WDR33: variants seen among roughly 807,000 people sequenced by gnomAD.
WDR33 encodes the protein WD repeat domain 33.
WDR33 carries 47 observed loss-of-function variants against 164.9 expected under a neutral mutation model. That is an observed-to-expected ratio of 0.29 (90% CI 0.23 to 0.36). The LOEUF (loss-of-function observed/expected upper bound fraction) is 0.36. WDR33 is among the 10% of genes least tolerant of loss of function. The probability of loss-of-function intolerance (pLI) is 1.00; values close to 1 mark genes in which losing one functional copy is unlikely to be tolerated. For missense variants in WDR33, 1,137 were observed against 1,754.1 expected (o/e 0.65, Z 6.28); for synonymous variants, 505 against 589.0 (o/e 0.86, Z 2.06).
rs1375843610 is a variant in WDR33, at chr2:127,770,130, A to G, written c.204+648T>C. Among the ~76,000 whole-genome samples, 1 of 152,142 alleles carries G rather than the reference A, an allele frequency of 6.6e-6. No homozygotes were observed. The highest frequency in any genetic ancestry group is 1.5e-5 in the Non-Finnish European group (1 of 68,038). ...GGTAGTCTTTTATGATTTCATATAC[A>G]CTGCAGGTTTAACAAGTGTTTTAAG... On this transcript the variant is annotated intron_variant, in intron 2 of 21. Coordinates refer to ENST00000322313, the MANE Select transcript of WDR33 (RefSeq NM_018383.5). This position sits in a 1 kb window ranked among gnomAD's most constrained non-coding sequence, Gnocchi z 4.9.
intron 1 of WDR33, among the ~76,000 whole-genome samples, chr2:127,785,736 C>G (rs540650263): frequency 6.6e-6 from 1 of 152,250 alleles, no homozygotes; most frequent in South Asian, 2.1e-4. Context: ...TGAAAGACAT[C>G]TGGGTTGCCT....
At chr2:127,765,794 TAAAAAA>T (rs769820035) in intron 4 of WDR33, among the ~76,000 whole-genome samples, 1 of 135,802 alleles carries the variant, frequency 7.4e-6, no homozygotes, top group East Asian at 2.0e-4. Flanking sequence ...TAAACATATT[TAAAAAA>T]AAAAAAAAAA....
rs1225595691 is a variant in WDR33 at position 127,706,224 on chromosome 2, G to A, written c.*99C>T. 6.9e-6 allele frequency: 8 copies of A among 1,166,312 alleles called. No individual in the cohort carries two copies. The highest frequency in any genetic ancestry group is 8.2e-6 in the Non-Finnish European group (7 of 854,054). 72.2% of individuals were successfully genotyped at this position (1,166,312 alleles called of 1,614,324 possible). A position where few individuals can be genotyped will look rare whatever the true frequency, so the allele number is the denominator to read the frequency against. On this transcript the variant is annotated 3_prime_UTR_variant, in exon 22 of 22. Coordinates refer to ENST00000322313, the MANE Select transcript of WDR33 (RefSeq NM_018383.5). This position sits in a 1 kb window ranked among gnomAD's most constrained non-coding sequence, Gnocchi z 5.1. ...TTCAGGTGCCCAGAAAAGAGTTCAG[G>A]GCTACAATGGTGCAGGCTTCCTTTT...
At chr2:127,807,966 G>GAAAA (rs1489860065) in intron 1 of WDR33, among the ~76,000 whole-genome samples, 2 of 151,968 alleles carry the variant, frequency 1.3e-5, no homozygotes, top group Admixed American at 6.6e-5. Flanking sequence ...CCCTGTCTCA[G>GAAAA]AAAACAAACA....
rs1296163819 is a variant in WDR33, at chr2:127,721,444, G to A, written c.1671+392C>T. On this transcript the variant is annotated intron_variant, in intron 15 of 21. Transcript: ENST00000322313. The surrounding 1 kb of genome is among the most constrained non-coding windows in gnomAD (Gnocchi z 4.9). ...TTAAAAGTCCAAGATATGACTCAAG[G>A]AAGTCACTTAAAAAAAAATTAGTCA... Among the ~76,000 whole-genome samples the A allele has an allele frequency of 6.6e-6, 1 of 151,950 alleles. No individual in the cohort carries two copies. The highest frequency in any genetic ancestry group is 1.5e-5 in the Non-Finnish European group (1 of 67,992).
At chr2:127,737,706 A>C (rs1686890064) in intron 7 of WDR33, 3 of 1,118,374 alleles carry the variant, frequency 2.7e-6, no homozygotes, top group Non-Finnish European at 3.3e-6. Flanking sequence ...GGAAAACAAA[A>C]GATGTTTCAA....
chr2:127,735,457 A>C lies in WDR33; in HGVS notation c.725-8680T>G. 1 of 985,216 alleles carries C rather than the reference A, an allele frequency of 1.0e-6. No homozygotes were observed. The allele number at this position is 985,216 out of a possible 1,614,324, so 61.0% of individuals were successfully genotyped here. ...TCCCATTTTATTTTTCCTGGATCAG[A>C]CCATTTTATGAACAAATCTTAAAAA... On this transcript the variant is annotated intron_variant, in intron 7 of 21. Coordinates refer to ENST00000322313, the MANE Select transcript of WDR33 (RefSeq NM_018383.5). This position sits in a 1 kb window ranked among gnomAD's most constrained non-coding sequence, Gnocchi z 4.3.
intron 3 of WDR33, 94 bp downstream of exon 3, chr2:127,768,839 A>G: frequency 1.2e-6 from 1 of 826,950 alleles, no homozygotes. Context: ...TGTAAAAAGA[A>G]AAGACCATTT....
chr2:127,794,720 G>A (rs576971914), intron 1 of WDR33, among the ~76,000 whole-genome samples: 2 of 150,240 alleles, frequency 1.3e-5, no homozygotes, highest in Admixed American at 1.3e-4. Context: ...TGTAGTTCCA[G>A]CTACTAAGGA....
chr2:127,763,259 A>T lies in WDR33; in HGVS notation c.627-100T>A. Reference sequence around the variant, plus strand: ...AAATAAAAACACTGTGCTGCATTATAAACAGGAGAGGGAAGAATCCAGTGA... The same window carrying T: ...AAATAAAAACACTGTGCTGCATTATTAACAGGAGAGGGAAGAATCCAGTGA... On this transcript the variant is annotated intron_variant, in intron 6 of 21. Transcript: ENST00000322313. The surrounding 1 kb of genome is among the most constrained non-coding windows in gnomAD (Gnocchi z 4.5). 1.3e-6 allele frequency: 2 copies of T among 1,572,314 alleles called. No homozygotes were observed. Among genetic ancestry groups the T allele is most frequent in the Non-Finnish European group, 1.7e-6 (2 of 1,157,858 alleles).
chr2:127,725,023 T>TA (rs755017441), intron 9 of WDR33, 38 bp downstream of exon 9: 2 of 1,614,152 alleles, frequency 1.2e-6, no homozygotes, highest in East Asian at 4.5e-5. Flanking sequence ...ATGTTACAGG[T>TA]AACAGTGGTC....
At chr2:127,785,401 G>T (rs1228809947) in intron 1 of WDR33, among the ~76,000 whole-genome samples, 2 of 152,170 alleles carry the variant, frequency 1.3e-5, no homozygotes, top group Non-Finnish European at 2.9e-5. Context: ...CTTGAGTTGT[G>T]ACAAATGTCT....
At chr2:127,744,571 C>G (rs539312441) in intron 7 of WDR33, among the ~76,000 whole-genome samples, 3 of 152,176 alleles carry the variant, frequency 2.0e-5, no homozygotes, top group Admixed American at 6.5e-5. Flanking sequence ...CAAGCTTCAA[C>G]AGAACAGTGC....
At chr2:127,768,436 T>C (rs940452542) in intron 3 of WDR33, 143 bp from the exon 4 acceptor site, 14 of 511,478 alleles carry the variant, frequency 2.7e-5, no homozygotes, top group African/African-American at 2.5e-4. Context: ...TTATAAAGTA[T>C]TACAATTAGT....
At position 127,708,627 on chromosome 2, in the gene WDR33, TC is replaced by T; in HGVS notation, c.3781+49del. On this transcript the variant is annotated intron_variant, in intron 21 of 21. Coordinates refer to ENST00000322313, the MANE Select transcript of WDR33 (RefSeq NM_018383.5). The surrounding 1 kb of genome is among the most constrained non-coding windows in gnomAD (Gnocchi z 6.7). ...ATGTGCAGCAGATACAGGCAAGGCC[TC>T]CATCGGCCCCTGCATCTCCTGGAAC... 3 of 1,512,730 alleles carry T rather than the reference TC, an allele frequency of 2.0e-6. No individual in the cohort carries two copies. Among genetic ancestry groups the T allele is most frequent in the Non-Finnish European group, 2.7e-6 (3 of 1,124,494 alleles). 93.7% of individuals were successfully genotyped at this position (1,512,730 alleles called of 1,614,324 possible).
At position 127,805,068 on chromosome 2, in the gene WDR33, C is replaced by CTTTTTT. The variant is rs201681607; in HGVS notation, c.-24+5938_-24+5943dup. Among the ~76,000 whole-genome samples, 259 of 84,424 alleles carry CTTTTTT rather than the reference C, an allele frequency of 3.1e-3. 14 individuals carry two copies. Among genetic ancestry groups the CTTTTTT allele is most frequent in the African/African-American group, 5.3e-3 (106 of 19,916 alleles). 55.4% of individuals were successfully genotyped at this position (84,424 alleles called of 152,430 possible). ...CGTATCATCACCTGTGAAGTTTTTT[C>CTTTTTT]TTTTTTTTTTTTTTTTTTTTTTTTT... On this transcript the variant is annotated intron_variant, in intron 1 of 21. Transcript: ENST00000322313.
At chr2:127,748,693 T>C (rs1219007969) in intron 7 of WDR33, among the ~76,000 whole-genome samples, 1 of 152,070 alleles carries the variant, frequency 6.6e-6, no homozygotes, top group East Asian at 1.9e-4. Context: ...AAACAAGGGA[T>C]GCAGGAAAAT....
intron 1 of WDR33, among the ~76,000 whole-genome samples, chr2:127,803,648 T>C (rs150825965): frequency 1.7e-3 from 259 of 152,250 alleles, no homozygotes; most frequent in African/African-American, 5.9e-3. Context: ...GAAAAGGGCA[T>C]ACAAGCAAAT....
Position 127,713,458 on chromosome 2 carries a change from G to T in WDR33, c.3308+125C>A. The T allele has an allele frequency of 9.1e-7, 1 of 1,098,130 alleles. No homozygotes were observed. The allele number at this position is 1,098,130 out of a possible 1,614,324, so 68.0% of individuals were successfully genotyped here. ...TAAACGTCCAAATGCAAACTCTACA[G>T]AGTGCAGGGCTGGTAATTGATATAA... On this transcript the variant is annotated intron_variant, in intron 18 of 21. Transcript: ENST00000322313. The surrounding 1 kb of genome is among the most constrained non-coding windows in gnomAD (Gnocchi z 6.2).
Sources: allele counts gnomAD v4.1 joint callset (sites outside exome capture counted in the v4.1 genomes callset), GRCh38; gene constraint gnomAD v4.1.1; non-coding constraint Gnocchi (gnomAD v3.1); transcripts MANE v1.5; gene names NCBI Gene and HGNC (gene_info 2026-07-23, HGNC 2026-07-21).